MTSS2: variants seen among roughly 807,000 people sequenced by gnomAD.
MTSS2 encodes the protein MTSS I-BAR domain containing 2.
Under a neutral mutation model 67.1 loss-of-function variants are expected in MTSS2, and 27 were observed. The ratio of observed to expected loss-of-function variants is 0.40; its 90% CI spans 0.30 to 0.55. MTSS2 has a LOEUF of 0.55. Ranked by LOEUF, MTSS2 falls within the 20% of genes least tolerant of loss-of-function variation. The probability of loss-of-function intolerance (pLI) is 0.43; values close to 1 mark genes in which losing one functional copy is unlikely to be tolerated. For missense variants in MTSS2, 1,171 were observed against 1,067.8 expected, an observed-to-expected ratio of 1.10 and a Z score of -1.35; for synonymous variants, 624 against 468.6, an observed-to-expected ratio of 1.33 and a Z score of -4.28.
intron 1 of MTSS2, 92 bp from the exon 2 acceptor site, chr16:70,681,117 T>C: frequency 7.9e-7 from 1 of 1,258,342 alleles, no homozygotes; most frequent in Non-Finnish European, 1.1e-6. Context: ...CATCCAGACT[T>C]GGGGCAGTTT....
chr16:70,676,294 C>T (rs959465250), intron 10 of MTSS2, among the ~76,000 whole-genome samples: 4 of 152,246 alleles, frequency 2.6e-5, no homozygotes, highest in African/African-American at 4.8e-5. Flanking sequence ...CTTGGCCTCT[C>T]CCCAGCTGTG....
In MTSS2 at chr16:70,663,589, G is replaced by T; in HGVS notation, c.*88C>A. On this transcript the variant is annotated 3_prime_UTR_variant, in exon 15 of 15. Transcript: ENST00000338779. Reference sequence around the variant, plus strand: ...CTGCCCTGGCTCTGTCCTCTCTCCTGGCTGGGCCTTTGCTCTGAGTGCCTG... The same window carrying T: ...CTGCCCTGGCTCTGTCCTCTCTCCTTGCTGGGCCTTTGCTCTGAGTGCCTG... 1.4e-6 allele frequency: 2 copies of T among 1,454,990 alleles called. No homozygotes were observed. The highest frequency in any genetic ancestry group is 9.1e-7 in the Non-Finnish European group (1 of 1,102,756). 90.1% of individuals were successfully genotyped at this position (1,454,990 alleles called of 1,614,324 possible).
chr16:70,676,433 C>G lies in MTSS2; in HGVS notation c.830+448G>C, dbSNP rs145025482. Among the ~76,000 whole-genome samples the G allele has an allele frequency of 5.8e-3, 891 of 152,316 alleles. 9 individuals carry two copies. The highest frequency in any genetic ancestry group is 0.02 in the African/African-American group (833 of 41,566). On this transcript the variant is annotated intron_variant, in intron 10 of 14. Transcript: ENST00000338779. ...TGGCCCCAACACTTGTTTCTAGAAGCCTTCCCATCTCTCCCTGATCTTTGA... is the reference window on the plus strand; with the variant it reads ...TGGCCCCAACACTTGTTTCTAGAAGGCTTCCCATCTCTCCCTGATCTTTGA...
At chr16:70,683,405 A>G (rs534228329) in intron 1 of MTSS2, among the ~76,000 whole-genome samples, 35 of 152,324 alleles carry the variant, frequency 2.3e-4, no homozygotes, top group Middle Eastern at 3.4e-3. Context: ...ACAGTACGCA[A>G]GCCCTGCCCT....
intron 11 of MTSS2, among the ~76,000 whole-genome samples, chr16:70,671,578 G>A (rs942861525): frequency 6.6e-6 from 1 of 152,142 alleles, no homozygotes; most frequent in Non-Finnish European, 1.5e-5. Context: ...TAGGAGAAAT[G>A]ACAGAAATAG....
intron 11 of MTSS2, among the ~76,000 whole-genome samples, chr16:70,671,498 A>G (rs550126550): frequency 6.6e-6 from 1 of 152,306 alleles, no homozygotes; most frequent in African/African-American, 2.4e-5. Context: ...TATAAATTAA[A>G]AATTGAATAT....
Position 70,661,502 on chromosome 16 carries a change from A to G in MTSS2, c.*2175T>C, listed in dbSNP as rs2052467575. The G allele has an allele frequency of 2.8e-6, 1 of 352,714 alleles. No individual in the cohort carries two copies. The highest frequency in any genetic ancestry group is 2.1e-5 in the South Asian group (1 of 47,428). 21.8% of individuals were successfully genotyped at this position (352,714 alleles called of 1,614,324 possible). A position where few individuals can be genotyped will look rare whatever the true frequency, so the allele number is the denominator to read the frequency against. On this transcript the variant is annotated 3_prime_UTR_variant, in exon 15 of 15. Transcript: ENST00000338779. ...TACTTCAGTCAAAAGACGCTTTTGA[A>G]AAGAATATTTCTCCGTACAAAATGA...
In MTSS2 at chr16:70,663,034, C is replaced by CCCCA. The variant is rs1555507683; in HGVS notation, c.*642_*643insTGGG. On this transcript the variant is annotated 3_prime_UTR_variant, in exon 15 of 15. Transcript: ENST00000338779. ...CACAGGGCCCCCAAGACCCCCCCCC[C>CCCCA]CAAGCAGCCCCTGGTTTCCTCCCTG... 6.6e-6 allele frequency: 1 copy of CCCCA among 152,298 alleles called. No homozygotes were observed. Among genetic ancestry groups the CCCCA allele is most frequent in the Non-Finnish European group, 1.5e-5 (1 of 68,292 alleles). 9.4% of individuals were successfully genotyped at this position (152,298 alleles called of 1,614,324 possible). A position where few individuals can be genotyped will look rare whatever the true frequency, so the allele number is the denominator to read the frequency against.
rs548110920 is a variant in MTSS2 at position 70,664,948 on chromosome 16, C to T, written c.1277G>A (p.Arg426Gln). The part of the protein sequence containing the change: ...GPSGEEAPRP[R>Q]MSPATIAAKH... The stretch of plus-strand genomic sequence containing the variant: ...GGCTGCGATGGTGGCAGGGGACATC[C>T]GGGGTCGCGGTGCCTCTTCCCCGCT... Residue 426 changes from arginine (R) to glutamine (Q), a missense_variant, in exon 13 of 15, where the codon CGG (arginine) becomes CAG (glutamine). By Grantham distance (43) the Arg-to-Gln change is conservative. Transcript: ENST00000338779. 4.8e-5 allele frequency: 75 copies of T among 1,561,348 alleles called. No individual in the cohort carries two copies. The Admixed American group carries it at 5.1e-4, about 11-fold the overall frequency.
intron 1 of MTSS2, among the ~76,000 whole-genome samples, chr16:70,683,601 C>T (rs1345871004): frequency 6.6e-6 from 1 of 152,244 alleles, no homozygotes; most frequent in Non-Finnish European, 1.5e-5. Flanking sequence ...CTGCCCCTCT[C>T]TGGGTTTCAA....
rs1450893607 is a variant in MTSS2, at chr16:70,661,752, CCT to C, written c.*1923_*1924del. ...GTGGGGGCTGTGCCACACGAGCCCCCCTCTCTGGGTAGCCCCTGCCTCCTTTC... is the reference window on the plus strand; with the variant it reads ...GTGGGGGCTGTGCCACACGAGCCCCCCTCTGGGTAGCCCCTGCCTCCTTTC... On this transcript the variant is annotated 3_prime_UTR_variant, in exon 15 of 15. Transcript: ENST00000338779. 1.4e-5 allele frequency: 3 copies of C among 207,190 alleles called. No homozygotes were observed. Among genetic ancestry groups the C allele is most frequent in the African/African-American group, 7.1e-5 (3 of 42,008 alleles). 12.8% of individuals were successfully genotyped at this position (207,190 alleles called of 1,614,324 possible). A position where few individuals can be genotyped will look rare whatever the true frequency, so the allele number is the denominator to read the frequency against.
Position 70,676,911 on chromosome 16 carries a change from C to T in MTSS2, c.800G>A (p.Ser267Asn). 5.0e-6 allele frequency: 8 copies of T among 1,613,762 alleles called. No homozygotes were observed. The highest frequency in any genetic ancestry group is 6.8e-6 in the Non-Finnish European group (8 of 1,179,992). ...SYQTPPSSPSSSSSRKSSMCS... is the reference protein window; with the variant it reads ...SYQTPPSSPSNSSSRKSSMCS... Reference sequence around the variant, plus strand: ...CATGCTGGACTTCCGGGAGCTGGAGCTGCTGGGTGATGAGGGTGGGGTCTG... The same window carrying T: ...CATGCTGGACTTCCGGGAGCTGGAGTTGCTGGGTGATGAGGGTGGGGTCTG... The change falls in exon 10 of 15, where the codon AGC (serine) becomes AAC (asparagine). Residue 267 changes from serine (S) to asparagine (N), a missense_variant. This residue lies in a region of MTSS2 where 924 missense variants were observed against 756.0 expected (regional missense o/e 1.22). Coordinates refer to ENST00000338779, the MANE Select transcript of MTSS2 (RefSeq NM_138383.3).
rs909767990 is a variant in MTSS2 at position 70,678,035 on chromosome 16, G to A, written c.625-136C>T. 15 of 947,186 alleles carry A rather than the reference G, an allele frequency of 1.6e-5. No homozygotes were observed. In the African/African-American group the frequency reaches 1.6e-4, roughly 10 times the overall value. 58.7% of individuals were successfully genotyped at this position (947,186 alleles called of 1,614,324 possible). A position where few individuals can be genotyped will look rare whatever the true frequency, so the allele number is the denominator to read the frequency against. ...TCGCTAACCAATGCTGCTCGGGGCTGGTGCAGGTGGGGCCCACACAGCCCA... is the reference window on the plus strand; with the variant it reads ...TCGCTAACCAATGCTGCTCGGGGCTAGTGCAGGTGGGGCCCACACAGCCCA... On this transcript the variant is annotated intron_variant, in intron 8 of 14. Transcript: ENST00000338779.
chr16:70,670,242 G>A (rs997754039), intron 11 of MTSS2, among the ~76,000 whole-genome samples: 2 of 152,330 alleles, frequency 1.3e-5, no homozygotes, highest in Middle Eastern at 3.4e-3. Context: ...CTGCACTCCA[G>A]CCTGGGCAAC....
rs2053240410 is a variant in MTSS2, at chr16:70,679,814, G to C, written c.354C>G (p.Ala118=). ...TCGCGTGGTCCTTGTCCAGCTGGTT[G>C]GCCGCCTTCTTCCAGTCCTCGATGC... is the stretch of plus-strand genomic sequence containing the variant. ...QERIEDWKKA[A]NQLDKDHAKE... Residue 118 remains alanine, a synonymous_variant, in exon 5 of 15, where the codon GCC becomes GCG. Coordinates refer to ENST00000338779, the MANE Select transcript of MTSS2 (RefSeq NM_138383.3). 6.2e-7 allele frequency: 1 copy of C among 1,609,686 alleles called. No homozygotes were observed. Among genetic ancestry groups the C allele is most frequent in the South Asian group, 1.1e-5 (1 of 90,932 alleles).
intron 11 of MTSS2, among the ~76,000 whole-genome samples, chr16:70,666,193 G>C (rs1053762310): frequency 2.0e-5 from 3 of 152,188 alleles, no homozygotes; most frequent in African/African-American, 7.2e-5. Context: ...GCTCTGCGGA[G>C]AAGGGGGGCA....
In MTSS2 at chr16:70,662,255, G is replaced by A. The variant is rs1182150332; in HGVS notation, c.*1422C>T. The A allele has an allele frequency of 6.6e-6, 1 of 152,306 alleles. No individual in the cohort carries two copies. Among genetic ancestry groups the A allele is most frequent in the Non-Finnish European group, 1.5e-5 (1 of 68,184 alleles). 9.4% of individuals were successfully genotyped at this position (152,306 alleles called of 1,614,324 possible). A position where few individuals can be genotyped will look rare whatever the true frequency, so the allele number is the denominator to read the frequency against. On this transcript the variant is annotated 3_prime_UTR_variant, in exon 15 of 15. Transcript: ENST00000338779. ...ACCCCCAGGTAGGACCCTGCCCTGGGGCCACGATGCCCTCTGAGCCCTGCT... is the reference window on the plus strand; with the variant it reads ...ACCCCCAGGTAGGACCCTGCCCTGGAGCCACGATGCCCTCTGAGCCCTGCT...
chr16:70,681,511 A>G (rs1418047721), intron 1 of MTSS2, among the ~76,000 whole-genome samples: 25 of 152,232 alleles, frequency 1.6e-4, no homozygotes, highest in Admixed American at 1.6e-3. Context: ...CACCAGGTGT[A>G]GACTGGGGCC....
At chr16:70,665,191 G>A (rs753879152) in intron 12 of MTSS2, 95 bp from the exon 13 acceptor site, 43 of 1,379,878 alleles carry the variant, frequency 3.1e-5, no homozygotes, top group Non-Finnish European at 4.2e-5. Context: ...GGTGTCCAGG[G>A]CTATCAGGGG....
Sources: allele counts gnomAD v4.1 joint callset (sites outside exome capture counted in the v4.1 genomes callset), GRCh38; gene constraint gnomAD v4.1.1; regional missense constraint gnomAD v4.1.1; transcripts MANE v1.5; gene names NCBI Gene and HGNC (gene_info 2026-07-23, HGNC 2026-07-21).